The following CSMD1 variants were observed in gnomAD, a reference collection of about 807,000 sequenced individuals.
CSMD1 encodes the protein CUB and Sushi multiple domains 1, also known as CUB and sushi domain-containing protein 1.
In CSMD1, 213 loss-of-function variants were observed where a neutral mutation model predicts 417.5. The observed-to-expected ratio is 0.51, with a 90% CI of 0.46 to 0.57. CSMD1 has a LOEUF of 0.57. CSMD1 is among the 20% of genes least tolerant of loss of function. The pLI is 0.00. For missense variants in CSMD1, 6,923 were observed against 4,529.7 expected (o/e 1.53, Z -15.17); for synonymous variants, 2,862 against 1,736.8 (o/e 1.65, Z -16.11).
At chr8:4,318,464 G>A (rs971763651) in intron 3 of CSMD1, among the ~76,000 whole-genome samples, 1 of 152,044 alleles carries the variant, frequency 6.6e-6, no homozygotes, top group African/African-American at 2.4e-5. Flanking sequence ...AAGGTCATTA[G>A]CAAGTAATGA....
At chr8:4,762,445 C>G (rs1248945494) in intron 1 of CSMD1, among the ~76,000 whole-genome samples, 2 of 152,138 alleles carry the variant, frequency 1.3e-5, no homozygotes, top group African/African-American at 2.4e-5. Flanking sequence ...TGTATTTTCT[C>G]AAGCATCTCA....
At chr8:4,460,516 G>A (rs1227480980) in intron 2 of CSMD1, among the ~76,000 whole-genome samples, 3 of 151,874 alleles carry the variant, frequency 2.0e-5, no homozygotes, top group African/African-American at 4.8e-5. Context: ...ATGAACGTAA[G>A]CAAATTCAAA....
At chr8:4,792,674 A>G (rs928770623) in intron 1 of CSMD1, among the ~76,000 whole-genome samples, 2 of 152,132 alleles carry the variant, frequency 1.3e-5, no homozygotes, top group African/African-American at 2.4e-5. Flanking sequence ...TCAATTTATA[A>G]TCAATGGGTC....
rs138420058 is a variant in CSMD1, at chr8:4,105,787, G to A, written c.416-73688C>T. 2.7e-3 allele frequency among the ~76,000 whole-genome samples: 417 copies of A among 152,258 alleles called. 1 individual carries two copies. Among genetic ancestry groups the A allele is most frequent in the Admixed American group, 3.1e-3 (48 of 15,286 alleles). Reference sequence around the variant, plus strand: ...CTCACTGAAGAGGCTCCTCTACAGCGTTGAAAAGTGTCCTTTCCACTGAGT... The same window carrying A: ...CTCACTGAAGAGGCTCCTCTACAGCATTGAAAAGTGTCCTTTCCACTGAGT... On this transcript the variant is annotated intron_variant, in intron 3 of 69. Coordinates refer to ENST00000635120, the MANE Select transcript of CSMD1 (RefSeq NM_033225.6).
Position 4,458,186 on chromosome 8 carries a change from A to G in CSMD1, c.303-38121T>C, listed in dbSNP as rs368708627. Among the ~76,000 whole-genome samples the G allele has an allele frequency of 2.5e-3, 382 of 152,258 alleles. 4 individuals carry two copies. The highest frequency in any genetic ancestry group is 8.8e-3 in the African/African-American group (367 of 41,524). On this transcript the variant is annotated intron_variant, in intron 2 of 69. Transcript: ENST00000635120. ...TGCTGATTAATATACTAAATATCAA[A>G]ATGATACTAATCACCTTGTAAAGAA...
intron 26 of CSMD1, among the ~76,000 whole-genome samples, chr8:3,248,088 G>A (rs1800001755): frequency 6.6e-6 from 1 of 152,270 alleles, no homozygotes. Flanking sequence ...ATTGCTTTGG[G>A]AGCCCGAGGC....
intron 5 of CSMD1, among the ~76,000 whole-genome samples, chr8:3,852,525 C>T (rs1803985711): frequency 6.6e-6 from 1 of 152,062 alleles, no homozygotes; most frequent in African/African-American, 2.4e-5. Flanking sequence ...TTCCAGAAAA[C>T]ATAGTAGATG....
intron 3 of CSMD1, among the ~76,000 whole-genome samples, chr8:4,126,215 G>C (rs927172885): frequency 6.6e-6 from 1 of 152,070 alleles, no homozygotes; most frequent in African/African-American, 2.4e-5. Context: ...AATGCTCTGG[G>C]AGACTGATTT....
At chr8:3,551,643 C>T (rs1270208120) in intron 10 of CSMD1, among the ~76,000 whole-genome samples, 1 of 136,668 alleles carries the variant, frequency 7.3e-6, no homozygotes, top group African/African-American at 2.7e-5. Flanking sequence ...CTTTCCGGTG[C>T]TCATTTAATA....
chr8:4,440,551 A>T (rs915590748), intron 2 of CSMD1, among the ~76,000 whole-genome samples: 3 of 152,164 alleles, frequency 2.0e-5, no homozygotes, highest in African/African-American at 7.2e-5. Context: ...GCTGACATGC[A>T]TATCTATATG....
At chr8:4,506,444 C>T (rs549182829) in intron 2 of CSMD1, among the ~76,000 whole-genome samples, 1 of 152,128 alleles carries the variant, frequency 6.6e-6, no homozygotes, top group South Asian at 2.1e-4. Flanking sequence ...CAGCAAACTT[C>T]CCACTCCCCT....
At chr8:4,125,800 G>A (rs184275999) in intron 3 of CSMD1, among the ~76,000 whole-genome samples, 1 of 152,026 alleles carries the variant, frequency 6.6e-6, no homozygotes, top group Non-Finnish European at 1.5e-5. Context: ...TTGATCAATT[G>A]ATAACAGCCC....
intron 3 of CSMD1, among the ~76,000 whole-genome samples, chr8:4,085,613 C>G (rs895208922): frequency 2.0e-5 from 3 of 152,116 alleles, no homozygotes; most frequent in African/African-American, 4.8e-5. Flanking sequence ...TTGTGGGAAC[C>G]TCACGGGAAC....
At chr8:4,268,789 T>C (rs1035537817) in intron 3 of CSMD1, among the ~76,000 whole-genome samples, 17 of 151,918 alleles carry the variant, frequency 1.1e-4, no homozygotes, top group African/African-American at 2.9e-4. Context: ...AACATCGACA[T>C]CACAAAGGAC....
intron 3 of CSMD1, among the ~76,000 whole-genome samples, chr8:4,147,951 A>G (rs1647367): frequency 0.63 from 95,088 of 151,870 alleles, 30,230 homozygotes; most frequent in East Asian, 0.72. Context: ...CCAGGTAGAA[A>G]CCCACAGAAG....
At chr8:3,450,069 A>T (rs1377963942) in intron 12 of CSMD1, among the ~76,000 whole-genome samples, 47 of 152,152 alleles carry the variant, frequency 3.1e-4, no homozygotes, top group Admixed American at 3.1e-3. Context: ...CACATACGAA[A>T]TTCGGAAAAT....
At chr8:3,891,307 C>T (rs1324594524) in intron 5 of CSMD1, among the ~76,000 whole-genome samples, 1 of 152,140 alleles carries the variant, frequency 6.6e-6, no homozygotes. Flanking sequence ...GCCTCAACCT[C>T]CCAAAGTGCT....
At position 4,691,943 on chromosome 8, in the gene CSMD1, G is replaced by T. The variant is rs994805525; in HGVS notation, c.86-54385C>A. Among the ~76,000 whole-genome samples the T allele has an allele frequency of 2.0e-5, 3 of 152,290 alleles. No homozygotes were observed. The East Asian group carries it at 5.8e-4, about 29-fold the overall frequency. On this transcript the variant is annotated intron_variant, in intron 1 of 69. Coordinates refer to ENST00000635120, the MANE Select transcript of CSMD1 (RefSeq NM_033225.6). ...CCTCACTCCCTATAACTAGTTTATG[G>T]CAAATAAACTGCAGCTCTCGTTTTA...
intron 1 of CSMD1, among the ~76,000 whole-genome samples, chr8:4,853,835 T>G (rs1023086088): frequency 6.6e-6 from 1 of 152,180 alleles, no homozygotes; most frequent in Non-Finnish European, 1.5e-5. Context: ...GGGAGCCCAC[T>G]CCTTGCAGTA....
Sources: allele counts gnomAD v4.1 joint callset (sites outside exome capture counted in the v4.1 genomes callset), GRCh38; gene constraint gnomAD v4.1.1; transcripts MANE v1.5; gene names NCBI Gene and HGNC (gene_info 2026-07-23, HGNC 2026-07-21).